OTUD7A: variants seen among roughly 807,000 people sequenced by gnomAD.
OTUD7A encodes the protein OTU deubiquitinase 7A, also known as OTU domain-containing protein 7A.
In OTUD7A, 12 loss-of-function variants were observed where a neutral mutation model predicts 65.7. The observed-to-expected ratio is 0.18, with a 90% CI of 0.12 to 0.30. The LOEUF (loss-of-function observed/expected upper bound fraction) is 0.30, where lower values mean the gene tolerates loss of function less well. Ranked by LOEUF, OTUD7A falls within the 10% of genes least tolerant of loss-of-function variation. OTUD7A has a pLI of 1.00. For synonymous variants in OTUD7A, 641 were observed against 586.3 expected (o/e 1.09, Z -1.35); for missense variants, 1,148 against 1,304.8 (o/e 0.88, Z 1.85).
intron 4 of OTUD7A, among the ~76,000 whole-genome samples, chr15:31,569,610 T>C (rs1888982294): frequency 6.6e-6 from 1 of 152,222 alleles, no homozygotes; most frequent in African/African-American, 2.4e-5. Context: ...ATATCTTACT[T>C]TCATAATGAA....
intron 3 of OTUD7A, among the ~76,000 whole-genome samples, chr15:31,570,718 GA>G (rs898938327): frequency 6.6e-6 from 1 of 152,210 alleles, no homozygotes; most frequent in Non-Finnish European, 1.5e-5. Flanking sequence ...ATAGGCTTCT[GA>G]GCTCAGGCCC....
rs576323480 is a variant in OTUD7A at position 31,757,805 on chromosome 15, T to G, written c.-99-100728A>C. On this transcript the variant is annotated intron_variant, in intron 1 of 12. Coordinates refer to ENST00000307050, the MANE Select transcript of OTUD7A (RefSeq NM_001382637.1). ...AGCCCTTTAAAATAATTCTATAGAA[T>G]TCTTTGAGCATTGTCAGTGCCTTGA... is the stretch of plus-strand genomic sequence containing the variant. Among the ~76,000 whole-genome samples the G allele has an allele frequency of 2.0e-4, 30 of 152,328 alleles. 1 individual carries two copies. Among genetic ancestry groups the G allele is most frequent in the African/African-American group, 6.7e-4 (28 of 41,568 alleles).
intron 1 of OTUD7A, among the ~76,000 whole-genome samples, chr15:31,761,382 A>C (rs1036286142): frequency 2.6e-5 from 4 of 152,170 alleles, no homozygotes; most frequent in African/African-American, 9.6e-5. Context: ...GATATTTCTC[A>C]AAAGAATACA....
chr15:31,831,499 C>T (rs1204222291), intron 1 of OTUD7A, among the ~76,000 whole-genome samples: 4 of 152,314 alleles, frequency 2.6e-5, no homozygotes, highest in East Asian at 3.9e-4. Flanking sequence ...TACTCACCCA[C>T]GCCAATGCCC....
At chr15:31,858,091 A>C (rs1387685773) in intron 1 of OTUD7A, among the ~76,000 whole-genome samples, 5 of 152,226 alleles carry the variant, frequency 3.3e-5, no homozygotes, top group Non-Finnish European at 7.3e-5. Flanking sequence ...TTCTCCTGCC[A>C]AGATAAAATA....
At chr15:31,833,111 G>A (rs1896975009) in intron 1 of OTUD7A, among the ~76,000 whole-genome samples, 1 of 152,194 alleles carries the variant, frequency 6.6e-6, no homozygotes, top group Non-Finnish European at 1.5e-5. Flanking sequence ...TAATGGGTGT[G>A]CAGTGATGTT....
chr15:31,610,830 C>T (rs533709912), intron 3 of OTUD7A, among the ~76,000 whole-genome samples: 22 of 150,694 alleles, frequency 1.5e-4, no homozygotes, highest in East Asian at 1.4e-3. Context: ...GGGGTTTCAC[C>T]GTGTTAGCCA....
At chr15:31,506,059 C>T (rs2041559953) in intron 8 of OTUD7A, among the ~76,000 whole-genome samples, 1 of 151,592 alleles carries the variant, frequency 6.6e-6, no homozygotes, top group African/African-American at 2.4e-5. Flanking sequence ...TTTTACTTAT[C>T]GAATTAATGT....
intron 1 of OTUD7A, among the ~76,000 whole-genome samples, chr15:31,749,995 A>T (rs961547049): frequency 6.6e-6 from 1 of 152,236 alleles, no homozygotes; most frequent in Non-Finnish European, 1.5e-5. Context: ...ATACTTAGGA[A>T]TACTTAACCA....
intron 1 of OTUD7A, among the ~76,000 whole-genome samples, chr15:31,718,244 C>G (rs1893644746): frequency 6.6e-6 from 1 of 152,160 alleles, no homozygotes; most frequent in East Asian, 1.9e-4. Flanking sequence ...CAGAGATATA[C>G]TCTTTGTAAA....
intron 1 of OTUD7A, among the ~76,000 whole-genome samples, chr15:31,726,345 ACG>A (rs749161691): frequency 1.6e-4 from 6 of 36,636 alleles, no homozygotes; most frequent in Non-Finnish European, 2.1e-4. Flanking sequence ...ACACACACAC[ACG>A]CACACACACA....
intron 6 of OTUD7A, among the ~76,000 whole-genome samples, chr15:31,530,164 C>T (rs2042066898): frequency 1.3e-5 from 2 of 152,184 alleles, no homozygotes; most frequent in East Asian, 1.9e-4. Flanking sequence ...GCAGTACCTA[C>T]GTCTGTTTCC....
intron 1 of OTUD7A, among the ~76,000 whole-genome samples, chr15:31,799,810 C>T (rs556193470): frequency 4.6e-5 from 7 of 152,164 alleles, no homozygotes; most frequent in African/African-American, 1.7e-4. Flanking sequence ...CAATGCCTGG[C>T]TGCTGCTTGA....
rs1307028261 is a variant in OTUD7A at position 31,572,791 on chromosome 15, C to G, written c.152-2594G>C. 3.9e-5 allele frequency among the ~76,000 whole-genome samples: 6 copies of G among 152,138 alleles called. No homozygotes were observed. In the East Asian group the frequency reaches 1.2e-3, roughly 29 times the overall value. ...TATAAGGGAGAAAAGAGAAAACAGACTGCAGATAGCATAGTAAGAATGATA... is the reference window on the plus strand; with the variant it reads ...TATAAGGGAGAAAAGAGAAAACAGAGTGCAGATAGCATAGTAAGAATGATA... On this transcript the variant is annotated intron_variant, in intron 3 of 12. Coordinates refer to ENST00000307050, the MANE Select transcript of OTUD7A (RefSeq NM_001382637.1).
rs150920716 is a variant in OTUD7A at position 31,862,587 on chromosome 15, C to T, written c.-100+7920G>A. 9.8e-4 allele frequency among the ~76,000 whole-genome samples: 149 copies of T among 152,232 alleles called. 1 individual carries two copies. The highest frequency in any genetic ancestry group is 3.5e-3 in the African/African-American group (145 of 41,544). On this transcript the variant is annotated intron_variant, in intron 1 of 12. Coordinates refer to ENST00000307050, the MANE Select transcript of OTUD7A (RefSeq NM_001382637.1). ...AGCAAAAGCGGAAACCCCTGATAAA[C>T]CCATCAGATCTTGTGAGACTTACTT... is the stretch of plus-strand genomic sequence containing the variant.
intron 3 of OTUD7A, among the ~76,000 whole-genome samples, chr15:31,590,426 G>C (rs1382423749): frequency 6.6e-6 from 1 of 152,138 alleles, no homozygotes; most frequent in East Asian, 1.9e-4. Context: ...TATAGTATGT[G>C]CATAGTGTAA....
chr15:31,567,921 G>A (rs1175681153), intron 4 of OTUD7A, among the ~76,000 whole-genome samples: 3 of 152,272 alleles, frequency 2.0e-5, no homozygotes, highest in Non-Finnish European at 4.4e-5. Flanking sequence ...AGTGAATGAG[G>A]TTTGGCAACC....
At chr15:31,743,461 G>A (rs1471713878) in intron 1 of OTUD7A, among the ~76,000 whole-genome samples, 1 of 152,036 alleles carries the variant, frequency 6.6e-6, no homozygotes, top group African/African-American at 2.4e-5. Context: ...TGCTTCCAGT[G>A]AAAGTTATAG....
intron 3 of OTUD7A, among the ~76,000 whole-genome samples, chr15:31,637,696 G>A (rs1891384773): frequency 1.3e-5 from 2 of 152,178 alleles, no homozygotes; most frequent in Non-Finnish European, 2.9e-5. Context: ...CATGGGAGGT[G>A]GTCAAATTAT....
Sources: gnomAD v4.1 joint callset for allele counts (sites outside exome capture counted in the v4.1 genomes callset) on GRCh38, gnomAD v4.1.1 for gene constraint, MANE v1.5 for transcripts, NCBI Gene and HGNC (gene_info 2026-07-23, HGNC 2026-07-21) for gene names.